FAM133A: variants seen among roughly 807,000 people sequenced by gnomAD.
The protein encoded by FAM133A is protein FAM133A.
For missense variants in FAM133A, 159 were observed against 164.4 expected, an observed-to-expected ratio of 0.97 and a Z score of 0.18; for synonymous variants, 65 against 58.6, an observed-to-expected ratio of 1.11 and a Z score of -0.50.
chrX:93,701,718 C>T (rs1926721597), intron 3 of FAM133A, among the ~76,000 whole-genome samples: 2 of 111,401 alleles, frequency 1.8e-5, no homozygotes, highest in African/African-American at 3.3e-5. Flanking sequence ...TTGGAAAATG[C>T]GTATTTGAAG....
intron 2 of FAM133A, among the ~76,000 whole-genome samples, chrX:93,696,649 A>G (rs756184383): frequency 8.1e-4 from 90 of 111,753 alleles, no homozygotes; most frequent in African/African-American, 2.8e-3. Context: ...GGCCGGGCGC[A>G]GTGGCTCACG....
intron 3 of FAM133A, among the ~76,000 whole-genome samples, chrX:93,699,643 A>G (rs73635255): frequency 4.4e-4 from 49 of 111,209 alleles, no homozygotes; most frequent in African/African-American, 1.5e-3. Context: ...ACTAACACCT[A>G]TATACCCGCA....
At position 93,704,488 on chromosome X, in the gene FAM133A, A is replaced by C. The variant is rs1447000509; in HGVS notation, c.-103-4829A>C. 5.4e-5 allele frequency among the ~76,000 whole-genome samples: 6 copies of C among 111,683 alleles called. No homozygotes were observed. The East Asian group carries it at 1.7e-3, about 32-fold the overall frequency. The stretch of plus-strand genomic sequence containing the variant: ...CAGAAGAGTTGAATGCTTCAGATTA[A>C]GGCTTAGAGGAATTTCCAGCTACTT... On this transcript the variant is annotated intron_variant, in intron 3 of 3. Coordinates refer to ENST00000683942, the MANE Select transcript of FAM133A (RefSeq NM_001171109.2).
At chrX:93,703,612 A>G (rs1038170389) in intron 3 of FAM133A, among the ~76,000 whole-genome samples, 17 of 112,661 alleles carry the variant, frequency 1.5e-4, no homozygotes, top group African/African-American at 5.5e-4. Flanking sequence ...AAGCTAAACA[A>G]TAGTGATGAT....
chrX:93,709,050 G>A (rs1437768159), intron 3 of FAM133A, among the ~76,000 whole-genome samples: 1 of 111,754 alleles, frequency 8.9e-6, no homozygotes, highest in Non-Finnish European at 1.9e-5. Flanking sequence ...ATCATACAAT[G>A]TAAGAGAAAA....
chrX:93,696,911 C>T (rs1453699281), intron 2 of FAM133A, among the ~76,000 whole-genome samples: 1 of 87,509 alleles, frequency 1.1e-5, no homozygotes, highest in African/African-American at 3.7e-5. Context: ...TAGAGTGAGA[C>T]TCCGTCTCAA....
intron 3 of FAM133A, among the ~76,000 whole-genome samples, chrX:93,703,124 G>A (rs1926834999): frequency 8.9e-6 from 1 of 111,738 alleles, no homozygotes; most frequent in Admixed American, 9.5e-5. Flanking sequence ...AGGAGGCAGA[G>A]GTTGCAGTGA....
chrX:93,701,697 C>A (rs1458709844), intron 3 of FAM133A, among the ~76,000 whole-genome samples: 1 of 111,677 alleles, frequency 9.0e-6, no homozygotes, highest in Non-Finnish European at 1.9e-5. Context: ...ATTTTCAAAA[C>A]AAGTACCTTC....
chrX:93,682,227 G>T (rs1266994383), intron 2 of FAM133A, among the ~76,000 whole-genome samples: 2 of 112,003 alleles, frequency 1.8e-5, no homozygotes, highest in East Asian at 2.8e-4. Flanking sequence ...GCAATGGTGA[G>T]CTTGAAATGA....
At chrX:93,673,859 A>G (rs993046808), upstream of FAM133A, among the ~76,000 whole-genome samples, 2 of 108,539 alleles carry the variant, frequency 1.8e-5, no homozygotes, top group Non-Finnish European at 3.8e-5. Context: ...AAAGAAAAAA[A>G]AGCGTAGACA....
In FAM133A at chrX:93,709,701, GAA is replaced by G; in HGVS notation, c.286_287del (p.Lys96GlufsTer16). 1.7e-6 allele frequency: 2 copies of G among 1,194,721 alleles called. No homozygotes were observed. Among genetic ancestry groups the G allele is most frequent in the Non-Finnish European group, 2.2e-6 (2 of 889,300 alleles). Reference sequence around the variant, plus strand: ...GCTCATCTAAAAAAAGAGAAAGAAAGAAAAAGAGAAAGAAGAAATCTTGTCGG... The same window carrying G: ...GCTCATCTAAAAAAAGAGAAAGAAAGAAAGAGAAAGAAGAAATCTTGTCGG... The part of the protein sequence containing the change: ...ESSSKKRERK[K>X]KRKKKSCRSS... On this transcript the variant is annotated frameshift_variant, in exon 4 of 4. Transcript: ENST00000683942. LOFTEE classifies it low-confidence loss of function (END_TRUNC).
intron 2 of FAM133A, among the ~76,000 whole-genome samples, chrX:93,687,149 A>G (rs1925582721): frequency 8.9e-6 from 1 of 112,665 alleles, no homozygotes; most frequent in African/African-American, 3.2e-5. Context: ...AATGTGGTAT[A>G]TATACAACAG....
intron 3 of FAM133A, among the ~76,000 whole-genome samples, chrX:93,708,127 T>G (rs1927159520): frequency 8.9e-6 from 1 of 112,095 alleles, no homozygotes. Context: ...TCCCATAAAA[T>G]AGTTTTACAT....
chrX:93,690,663 G>C lies in FAM133A; in HGVS notation c.-192-7734G>C, dbSNP rs771476409. Among the ~76,000 whole-genome samples, 3 of 111,941 alleles carry C rather than the reference G, an allele frequency of 2.7e-5. No individual in the cohort carries two copies. In the South Asian group the frequency reaches 1.1e-3, roughly 41 times the overall value. On this transcript the variant is annotated intron_variant, in intron 2 of 3. Transcript: ENST00000683942. ...TGTTTCCAGTTATTTTTGTTATTATGTGTAATGCTATTATACATGTTTACA... is the reference window on the plus strand; with the variant it reads ...TGTTTCCAGTTATTTTTGTTATTATCTGTAATGCTATTATACATGTTTACA...
intron 3 of FAM133A, among the ~76,000 whole-genome samples, chrX:93,702,992 A>C (rs12556979): frequency 0.077 from 8,459 of 110,106 alleles, 332 homozygotes; most frequent in South Asian, 0.18. Flanking sequence ...GTTCGTGATC[A>C]GCCGTGGTGA....
At chrX:93,690,472 T>C (rs1001356168) in intron 2 of FAM133A, among the ~76,000 whole-genome samples, 5 of 111,737 alleles carry the variant, frequency 4.5e-5, no homozygotes, top group South Asian at 3.7e-4. Flanking sequence ...AATAGAATCA[T>C]ACAGTATATT....
chrX:93,709,727 G>T lies in FAM133A; in HGVS notation c.308G>T (p.Arg103Leu), dbSNP rs759646883. The T allele has an allele frequency of 2.5e-6, 3 of 1,195,567 alleles. No homozygotes were observed. Among genetic ancestry groups the T allele is most frequent in the Non-Finnish European group, 3.4e-6 (3 of 888,114 alleles). ...RKKKRKKKSC[R>L]SSSSSSSSDS... Reference sequence around the variant, plus strand: ...AAAAAGAGAAAGAAGAAATCTTGTCGGTCTTCATCTTCTTCATCAAGCTCT... The same window carrying T: ...AAAAAGAGAAAGAAGAAATCTTGTCTGTCTTCATCTTCTTCATCAAGCTCT... The change falls in exon 4 of 4, where the codon CGG becomes CTG. Residue 103 changes from arginine to leucine, a missense_variant. Transcript: ENST00000683942.
intron 2 of FAM133A, 91 bp downstream of exon 2, chrX:93,674,843 T>C (rs776960544): frequency 9.0e-6 from 1 of 111,595 alleles, no homozygotes; most frequent in African/African-American, 3.2e-5. Flanking sequence ...CATTTAAAGA[T>C]TTATTTTAGA....
chrX:93,686,271 TG>T (rs1925524390), intron 2 of FAM133A, among the ~76,000 whole-genome samples: 1 of 111,375 alleles, frequency 9.0e-6, no homozygotes, highest in African/African-American at 3.3e-5. Flanking sequence ...AACCTTGGCC[TG>T]ACACATAGCC....
Sources: allele counts gnomAD v4.1 joint callset (sites outside exome capture counted in the v4.1 genomes callset), GRCh38; gene constraint gnomAD v4.1.1; transcripts MANE v1.5; gene names NCBI Gene and HGNC (gene_info 2026-07-23, HGNC 2026-07-21).